CA5A: variants seen among roughly 807,000 people sequenced by gnomAD.
CA5A encodes carbonic anhydrase 5A, also known as carbonic anhydrase 5A, mitochondrial.
A neutral mutation model predicts 37.1 loss-of-function variants in CA5A; 28 were observed. The observed-to-expected ratio is 0.75, with a 90% CI of 0.56 to 1.03. The LOEUF is 1.03. CA5A is among the 50% of genes least tolerant of loss of function. CA5A has a pLI of 0.00. For missense variants in CA5A, 444 were observed against 399.9 expected, an observed-to-expected ratio of 1.11 and a Z score of -0.94; for synonymous variants, 171 against 158.4, an observed-to-expected ratio of 1.08 and a Z score of -0.60.
In CA5A at chr16:87,926,973, G is replaced by A; in HGVS notation, c.143-28C>T. 5 of 1,435,340 alleles carry A rather than the reference G, an allele frequency of 3.5e-6. No individual in the cohort carries two copies. The South Asian group carries it at 3.6e-5, about 10-fold the overall frequency. The allele number at this position is 1,435,340 out of a possible 1,614,324, so 88.9% of individuals were successfully genotyped here. A position where few individuals can be genotyped will look rare whatever the true frequency, so the allele number is the denominator to read the frequency against. On this transcript the variant is annotated intron_variant, in intron 1 of 6. Coordinates refer to ENST00000649794, the MANE Select transcript of CA5A (RefSeq NM_001739.2). ...GCAGGGAGAGAGACGGAGACCCTGA[G>A]TGAGGCATGAGCTTCATCCTGTGTC...
chr16:87,901,816 A>T, intron 5 of CA5A, 96 bp downstream of exon 5: 1 of 983,170 alleles, frequency 1.0e-6, no homozygotes, highest in Non-Finnish European at 1.6e-6. Context: ...CGAACTCCCA[A>T]CCTCACGTGA....
intron 2 of CA5A, among the ~76,000 whole-genome samples, chr16:87,916,707 G>A (rs1428317256): frequency 2.0e-5 from 3 of 152,148 alleles, no homozygotes; most frequent in African/African-American, 7.2e-5. Context: ...ATGGGAGCAG[G>A]GGTTTCACTG....
At chr16:87,921,290 T>C (rs2056226087) in intron 2 of CA5A, among the ~76,000 whole-genome samples, 1 of 152,194 alleles carries the variant, frequency 6.6e-6, no homozygotes, top group East Asian at 1.9e-4. Context: ...TAAACTGATT[T>C]TAAAAAGAGG....
chr16:87,913,504 C>A (rs747619149), intron 2 of CA5A, among the ~76,000 whole-genome samples: 1 of 152,154 alleles, frequency 6.6e-6, no homozygotes, highest in Non-Finnish European at 1.5e-5. Context: ...TCCTGCAGCT[C>A]ACTGTGGTGG....
At chr16:87,890,045 C>T (rs1379414906) in intron 6 of CA5A, among the ~76,000 whole-genome samples, 1 of 152,226 alleles carries the variant, frequency 6.6e-6, no homozygotes, top group African/African-American at 2.4e-5. Context: ...GTTGACTGTG[C>T]AGCCTTTCTC....
intron 5 of CA5A, among the ~76,000 whole-genome samples, chr16:87,896,292 G>T (rs1441778680): frequency 6.6e-6 from 1 of 152,210 alleles, no homozygotes; most frequent in Non-Finnish European, 1.5e-5. Context: ...GCCACTGCGG[G>T]TAGGTTTCTT....
chr16:87,910,148 G>A (rs2056029696), intron 2 of CA5A, among the ~76,000 whole-genome samples: 1 of 152,200 alleles, frequency 6.6e-6, no homozygotes, highest in Non-Finnish European at 1.5e-5. Flanking sequence ...GGGTGAAACA[G>A]CTGATTAAGG....
chr16:87,935,364 G>A (rs1216115712), intron 1 of CA5A, among the ~76,000 whole-genome samples: 1 of 152,208 alleles, frequency 6.6e-6, no homozygotes, highest in African/African-American at 2.4e-5. Context: ...TGGCTGAGTG[G>A]TTTATTTGTT....
At chr16:87,917,302 A>T (rs1364797001) in intron 2 of CA5A, among the ~76,000 whole-genome samples, 2 of 151,900 alleles carry the variant, frequency 1.3e-5, no homozygotes, top group Non-Finnish European at 2.9e-5. Flanking sequence ...TCCCGCTCCT[A>T]ATTAGTGCAG....
At position 87,926,866 on chromosome 16, in the gene CA5A, G is replaced by A. The variant is rs758443815; in HGVS notation, c.222C>T (p.Ser74=). ...QSPINIQWRD[S]VYDPQLKPLR... Reference sequence around the variant, plus strand: ...GTGGCTTCAGCTGGGGGTCATAGACGCTGTCCCTCCACTGGATGTTAATAG... The same window carrying A: ...GTGGCTTCAGCTGGGGGTCATAGACACTGTCCCTCCACTGGATGTTAATAG... The change falls in exon 2 of 7, where the codon AGC becomes AGT. Residue 74 remains serine, a synonymous_variant. Coordinates refer to ENST00000649794, the MANE Select transcript of CA5A (RefSeq NM_001739.2). The A allele has an allele frequency of 3.3e-5, 53 of 1,612,762 alleles. No homozygotes were observed. The highest frequency in any genetic ancestry group is 6.7e-5 in the East Asian group (3 of 44,882).
chr16:87,908,969 G>A (rs2095845429), intron 2 of CA5A, among the ~76,000 whole-genome samples: 1 of 150,492 alleles, frequency 6.6e-6, no homozygotes, highest in Admixed American at 6.6e-5. Context: ...GACTACAGGT[G>A]CGCACCACCA....
At chr16:87,914,091 A>C (rs1567527788) in intron 2 of CA5A, among the ~76,000 whole-genome samples, 1 of 152,242 alleles carries the variant, frequency 6.6e-6, no homozygotes, top group Non-Finnish European at 1.5e-5. Context: ...GACCCAGCAC[A>C]TCACCTGGCA....
At chr16:87,934,015 A>G (rs8058774) in intron 1 of CA5A, among the ~76,000 whole-genome samples, 8,132 of 152,294 alleles carry the variant, frequency 0.053, 228 homozygotes, top group East Asian at 0.069. Context: ...GTAAGAGGAC[A>G]TGTTGCCACA....
At chr16:87,902,615 A>C in intron 3 of CA5A, 95 bp from the exon 4 acceptor site, 1 of 750,730 alleles carries the variant, frequency 1.3e-6, no homozygotes, top group South Asian at 1.5e-5. Flanking sequence ...CCACTTAATC[A>C]TAATGAAATG....
downstream of CA5A, chr16:87,886,213 G>C (rs1432379227): frequency 6.8e-6 from 1 of 147,792 alleles, no homozygotes; most frequent in Non-Finnish European, 1.5e-5. Flanking sequence ...GCAATGGCGC[G>C]ATCTCGGCTC....
chr16:87,936,202 T>A, intron 1 of CA5A, 107 bp downstream of exon 1: 57 of 571,390 alleles, frequency 1.0e-4, no homozygotes, highest in Non-Finnish European at 1.6e-4. Context: ...GGAGTGGAAA[T>A]CTGAACCCAT....
downstream of CA5A, chr16:87,885,315 CCA>C (rs1392902314): frequency 3.3e-5 from 5 of 152,678 alleles, no homozygotes; most frequent in African/African-American, 1.2e-4. Flanking sequence ...AATAAGAAAA[CCA>C]CAGACAGCCC....
At chr16:87,928,346 T>C (rs940773676) in intron 1 of CA5A, among the ~76,000 whole-genome samples, 1 of 152,094 alleles carries the variant, frequency 6.6e-6, no homozygotes, top group Non-Finnish European at 1.5e-5. Context: ...TCATTTTTTG[T>C]AGAGACGAGG....
chr16:87,924,030 CA>C, intron 2 of CA5A: 1 of 985,424 alleles, frequency 1.0e-6, no homozygotes, highest in South Asian at 4.7e-5. Context: ...GAACTTGGAA[CA>C]GACCAACAAG....
Sources: allele counts gnomAD v4.1 joint callset (sites outside exome capture counted in the v4.1 genomes callset), GRCh38; gene constraint gnomAD v4.1.1; transcripts MANE v1.5; gene names NCBI Gene and HGNC (gene_info 2026-07-23, HGNC 2026-07-21).